The following ZFHX3 variants were observed in gnomAD, a reference collection of about 807,000 sequenced individuals.
ZFHX3 encodes zinc finger homeobox 3.
A neutral mutation model predicts 279.1 loss-of-function variants in ZFHX3; 42 were observed. The ratio of observed to expected loss-of-function variants is 0.15; its 90% CI spans 0.12 to 0.19. The LOEUF (loss-of-function observed/expected upper bound fraction) is 0.19. Ranked by LOEUF, ZFHX3 falls within the 10% of genes least tolerant of loss-of-function variation. The probability of loss-of-function intolerance (pLI) is 1.00; values close to 1 mark genes in which losing one functional copy is unlikely to be tolerated. For missense variants in ZFHX3, 4,981 were observed against 4,754.0 expected (o/e 1.05, Z -1.40); for synonymous variants, 2,293 against 1,957.8 (o/e 1.17, Z -4.52).
At chr16:73,761,019 A>G (rs1472765363) in intron 1 of ZFHX3, among the ~76,000 whole-genome samples, 1 of 152,108 alleles carries the variant, frequency 6.6e-6, no homozygotes, top group East Asian at 1.9e-4. Flanking sequence ...AAGGGTATTA[A>G]AAGAGGAAGA....
chr16:73,061,011 A>G (rs1343262990), upstream of ZFHX3: 2 of 151,928 alleles, frequency 1.3e-5, no homozygotes, highest in Non-Finnish European at 2.9e-5. Context: ...GAATAATGCT[A>G]TTTTATTTAC....
At chr16:73,791,035 G>A (rs1486162726) in intron 1 of ZFHX3, among the ~76,000 whole-genome samples, 3 of 151,986 alleles carry the variant, frequency 2.0e-5, no homozygotes. Context: ...CACAATCACA[G>A]CTCACTGTAA....
At chr16:73,691,032 A>G (rs1469906987) in intron 1 of ZFHX3, among the ~76,000 whole-genome samples, 1 of 152,238 alleles carries the variant, frequency 6.6e-6, no homozygotes, top group Non-Finnish European at 1.5e-5. Flanking sequence ...AAGTAAAAGG[A>G]CAAAAGGAAC....
chr16:73,371,625 A>C (rs982995493), intron 3 of ZFHX3, among the ~76,000 whole-genome samples: 1 of 152,088 alleles, frequency 6.6e-6, no homozygotes, highest in East Asian at 2.0e-4. Context: ...CCCTCAGTCC[A>C]TCTTGGTTTG....
chr16:73,397,184 A>T (rs1345456116), intron 3 of ZFHX3, among the ~76,000 whole-genome samples: 1 of 152,274 alleles, frequency 6.6e-6, no homozygotes, highest in East Asian at 1.9e-4. Context: ...GTAAATACCA[A>T]AGATAATCAG....
At chr16:73,606,931 C>A (rs1358824905) in intron 2 of ZFHX3, among the ~76,000 whole-genome samples, 1 of 152,170 alleles carries the variant, frequency 6.6e-6, no homozygotes, top group Admixed American at 6.5e-5. Flanking sequence ...CACAGTGGCT[C>A]ATTCTTGTAA....
chr16:72,813,980 A>G (rs992975888), intron 5 of ZFHX3, among the ~76,000 whole-genome samples: 3 of 152,092 alleles, frequency 2.0e-5, no homozygotes, highest in African/African-American at 7.2e-5. Flanking sequence ...TGCCCCCAGA[A>G]ACTTCCTTAT....
intron 2 of ZFHX3, among the ~76,000 whole-genome samples, chr16:73,506,513 G>T (rs1173461587): frequency 6.6e-6 from 1 of 152,170 alleles, no homozygotes; most frequent in East Asian, 1.9e-4. Flanking sequence ...CTAACACAAA[G>T]TTCATGTATA....
chr16:73,163,468 T>C (rs1282424118), intron 5 of ZFHX3, among the ~76,000 whole-genome samples: 2 of 152,228 alleles, frequency 1.3e-5, no homozygotes, highest in Non-Finnish European at 2.9e-5. Flanking sequence ...TGTCCATTCT[T>C]TGATGTATTC....
At chr16:73,159,978 G>C (rs1967188650) in intron 5 of ZFHX3, among the ~76,000 whole-genome samples, 1 of 152,230 alleles carries the variant, frequency 6.6e-6, no homozygotes, top group South Asian at 2.1e-4. Flanking sequence ...GACCAGGTGG[G>C]TCTCGAACTC....
intron 5 of ZFHX3, among the ~76,000 whole-genome samples, chr16:73,237,396 C>T (rs1273023475): frequency 6.6e-6 from 1 of 152,074 alleles, no homozygotes; most frequent in Non-Finnish European, 1.5e-5. Context: ...CAGGTGCACA[C>T]CACTATGCCC....
At chr16:73,411,006 G>A (rs1201405537) in intron 3 of ZFHX3, among the ~76,000 whole-genome samples, 1 of 152,140 alleles carries the variant, frequency 6.6e-6, no homozygotes, top group African/African-American at 2.4e-5. Context: ...ACAGAGCTCT[G>A]ATACATAAGA....
intron 2 of ZFHX3, among the ~76,000 whole-genome samples, chr16:73,465,847 G>A (rs2018559733): frequency 6.6e-6 from 1 of 152,094 alleles, no homozygotes; most frequent in South Asian, 2.1e-4. Context: ...TAAGTTCCAG[G>A]GGCAGAGCTA....
chr16:73,612,349 C>A (rs1232241194), intron 2 of ZFHX3, among the ~76,000 whole-genome samples: 1 of 151,962 alleles, frequency 6.6e-6, no homozygotes, highest in Admixed American at 6.6e-5. Context: ...ATTTATAAAC[C>A]CTTGAAAAAA....
At chr16:72,837,468 AT>A (rs1359279157) in intron 4 of ZFHX3, among the ~76,000 whole-genome samples, 16 of 150,692 alleles carry the variant, frequency 1.1e-4, no homozygotes, top group Non-Finnish European at 1.8e-4. Flanking sequence ...CCTGGCTCCA[AT>A]GATGATTTTT....
intron 1 of ZFHX3, among the ~76,000 whole-genome samples, chr16:73,786,883 C>T (rs1959666608): frequency 6.6e-6 from 1 of 152,190 alleles, no homozygotes; most frequent in Admixed American, 6.5e-5. Context: ...GCAGCCAGAG[C>T]CTCCAATAGC....
At chr16:72,967,445 C>T (rs1431896516) in intron 1 of ZFHX3, among the ~76,000 whole-genome samples, 2 of 151,876 alleles carry the variant, frequency 1.3e-5, no homozygotes, top group African/African-American at 4.8e-5. Flanking sequence ...ATCCCCAAGT[C>T]CCTACTTTAA....
chr16:73,621,821 A>C (rs2052366672), intron 2 of ZFHX3, among the ~76,000 whole-genome samples: 1 of 152,198 alleles, frequency 6.6e-6, no homozygotes, highest in South Asian at 2.1e-4. Context: ...CCTCCACCGA[A>C]CAGCTTAGGA....
chr16:73,843,568 T>C (rs527636929), intron 1 of ZFHX3, among the ~76,000 whole-genome samples: 8 of 152,200 alleles, frequency 5.3e-5, no homozygotes, highest in Non-Finnish European at 8.8e-5. Flanking sequence ...CCATCAAATA[T>C]GTTAAATGCA....
Sources: allele counts gnomAD v4.1 joint callset (sites outside exome capture counted in the v4.1 genomes callset), GRCh38; gene constraint gnomAD v4.1.1; transcripts MANE v1.5; gene names NCBI Gene and HGNC (gene_info 2026-07-23, HGNC 2026-07-21).